The following NAALADL2 variants were observed in gnomAD, a reference collection of about 807,000 sequenced individuals.
NAALADL2 encodes the protein inactive N-acetylated-alpha-linked acidic dipeptidase-like protein 2.
In NAALADL2, 76 loss-of-function variants were observed where a neutral mutation model predicts 87.2. That is an observed-to-expected ratio of 0.87 (90% confidence interval 0.72 to 1.05). The LOEUF is 1.05. Among genes scored for constraint, NAALADL2 ranks in the 50% least tolerant of loss-of-function variants. The probability of loss-of-function intolerance (pLI) is 0.00; values close to 1 mark genes in which losing one functional copy is unlikely to be tolerated. For missense variants in NAALADL2, 1,089 were observed against 945.8 expected, an observed-to-expected ratio of 1.15 and a Z score of -1.99; for synonymous variants, 354 against 331.0, an observed-to-expected ratio of 1.07 and a Z score of -0.75.
chr3:175,345,564 G>T (rs1277469060), intron 5 of NAALADL2, among the ~76,000 whole-genome samples: 1 of 152,104 alleles, frequency 6.6e-6, no homozygotes, highest in Non-Finnish European at 1.5e-5. Flanking sequence ...AGTAAGAGTG[G>T]TTTCTAAAAT....
chr3:175,675,544 A>T (rs760705665), intron 11 of NAALADL2: 1 of 152,238 alleles, frequency 6.6e-6, no homozygotes, highest in Non-Finnish European at 1.5e-5. Context: ...TGCTGTGGCT[A>T]TATTTTAGAA....
At chr3:175,253,991 C>T (rs1244679463) in intron 3 of NAALADL2, among the ~76,000 whole-genome samples, 1 of 152,008 alleles carries the variant, frequency 6.6e-6, no homozygotes, top group Non-Finnish European at 1.5e-5. Context: ...TTTCCAATTC[C>T]CGGGAACATT....
intron 13 of NAALADL2, among the ~76,000 whole-genome samples, chr3:175,761,272 G>T (rs187709317): frequency 6.6e-6 from 1 of 152,030 alleles, no homozygotes; most frequent in South Asian, 2.1e-4. Context: ...CCATAGTTTT[G>T]CCTTTTCCAG....
intron 5 of NAALADL2, among the ~76,000 whole-genome samples, chr3:175,343,655 G>GTTTTTTTTTGTTTTTTTTTTTTTT (rs1762799922): frequency 1.5e-5 from 1 of 64,726 alleles, no homozygotes. Context: ...TCTTGATCAT[G>GTTTTTTTTTGTTTTTTTTTTTTTT]TTTTTTTTTT....
intron 1 of NAALADL2, among the ~76,000 whole-genome samples, chr3:175,065,126 CTT>C: frequency 6.6e-6 from 1 of 152,132 alleles, no homozygotes; most frequent in South Asian, 2.1e-4. Flanking sequence ...ATTCAAGTGA[CTT>C]TGATGTCAGA....
chr3:175,705,607 TTA>T (rs938385981), intron 11 of NAALADL2, among the ~76,000 whole-genome samples: 4 of 152,124 alleles, frequency 2.6e-5, no homozygotes, highest in African/African-American at 9.7e-5. Context: ...ACAGATTATT[TTA>T]TATGTTATAT....
intron 5 of NAALADL2, among the ~76,000 whole-genome samples, chr3:175,437,686 C>T (rs1312010004): frequency 1.3e-5 from 2 of 151,508 alleles, no homozygotes; most frequent in South Asian, 2.1e-4. Context: ...CATCACACTA[C>T]CTGACTTCAA....
chr3:175,751,501 C>A (rs1746624481), intron 12 of NAALADL2, among the ~76,000 whole-genome samples: 1 of 152,004 alleles, frequency 6.6e-6, no homozygotes, highest in Admixed American at 6.6e-5. Context: ...TCTAATAATA[C>A]AAACTTGCGT....
chr3:175,626,673 C>A (rs1425347986), intron 10 of NAALADL2, among the ~76,000 whole-genome samples: 1 of 151,772 alleles, frequency 6.6e-6, no homozygotes, highest in Non-Finnish European at 1.5e-5. Context: ...CTTTTTGACT[C>A]CCATGGAATA....
chr3:175,043,897 A>T (rs9821394), intron 1 of NAALADL2, among the ~76,000 whole-genome samples: 2 of 152,068 alleles, frequency 1.3e-5, no homozygotes, highest in South Asian at 2.1e-4. Flanking sequence ...GGATTGTTTC[A>T]TCTATTTTTA....
chr3:175,210,288 C>T (rs551046764), intron 2 of NAALADL2, among the ~76,000 whole-genome samples: 1 of 151,484 alleles, frequency 6.6e-6, no homozygotes, highest in Admixed American at 6.6e-5. Flanking sequence ...ATTGTTTTTG[C>T]AATTAGTTAA....
chr3:174,987,568 CAAAAAAAAAAAAAA>C (rs1159602995), intron 1 of NAALADL2, among the ~76,000 whole-genome samples: 4,006 of 20,032 alleles, frequency 0.2, 271 homozygotes, highest in East Asian at 0.41. Flanking sequence ...GACTCCGTCT[CAAAAAAAAAAAAAA>C]AAAAAAAAAA....
At chr3:174,702,198 A>C (rs1729618604) in intron 2 of NAALADL2, among the ~76,000 whole-genome samples, 1 of 152,070 alleles carries the variant, frequency 6.6e-6, no homozygotes, top group Non-Finnish European at 1.5e-5. Flanking sequence ...TTATGTGCTT[A>C]TTTGTTATCC....
intron 5 of NAALADL2, among the ~76,000 whole-genome samples, chr3:175,436,259 AT>A (rs1264724412): frequency 2.8e-5 from 4 of 145,390 alleles, no homozygotes; most frequent in Admixed American, 7.1e-5. Flanking sequence ...ATTGTTGGAC[AT>A]TTGGGTTGGT....
intron 10 of NAALADL2, among the ~76,000 whole-genome samples, chr3:175,613,367 T>A (rs1421006931): frequency 6.6e-6 from 1 of 152,194 alleles, no homozygotes; most frequent in Non-Finnish European, 1.5e-5. Context: ...AAAATTGAAA[T>A]ACGATAAAGT....
chr3:175,173,868 G>T (rs1054977919), intron 2 of NAALADL2, among the ~76,000 whole-genome samples: 8 of 152,234 alleles, frequency 5.3e-5, no homozygotes, highest in South Asian at 2.1e-4. Context: ...GAGTTTAAAA[G>T]TTTTCTTTGA....
intron 2 of NAALADL2, among the ~76,000 whole-genome samples, chr3:175,227,645 G>T (rs1230238155): frequency 6.6e-6 from 1 of 151,878 alleles, no homozygotes; most frequent in African/African-American, 2.4e-5. Context: ...AACATTTATT[G>T]TGGGGAAAAA....
chr3:174,587,516 G>A (rs945635104), intron 2 of NAALADL2, among the ~76,000 whole-genome samples: 6 of 152,156 alleles, frequency 3.9e-5, no homozygotes, highest in Non-Finnish European at 5.9e-5. Flanking sequence ...GCTGGTACCT[G>A]TTGTTCCTTT....
chr3:175,196,624 A>G (rs1222511122), intron 2 of NAALADL2, among the ~76,000 whole-genome samples: 1 of 151,954 alleles, frequency 6.6e-6, no homozygotes. Context: ...AAATTGTATT[A>G]TTCTATAGAT....
Sources: allele counts gnomAD v4.1 joint callset (sites outside exome capture counted in the v4.1 genomes callset), GRCh38; gene constraint gnomAD v4.1.1; transcripts MANE v1.5; gene names NCBI Gene and HGNC (gene_info 2026-07-23, HGNC 2026-07-21).